CLDN10: variants seen among roughly 807,000 people sequenced by gnomAD.
CLDN10 encodes claudin-10.
Under a neutral mutation model 22.9 loss-of-function variants are expected in CLDN10, and 15 were observed. That is an observed-to-expected ratio of 0.65 (90% CI 0.44 to 1.01). The LOEUF is 1.01. Among genes scored for constraint, CLDN10 ranks in the 50% least tolerant of loss-of-function variants. The pLI is 0.00. For synonymous variants in CLDN10, 114 were observed against 111.4 expected (o/e 1.02, Z -0.15); for missense variants, 247 against 287.8 (o/e 0.86, Z 1.03).
chr13:95,496,718 G>A (rs963903934), intron 1 of CLDN10, among the ~76,000 whole-genome samples: 17 of 152,116 alleles, frequency 1.1e-4, no homozygotes, highest in African/African-American at 1.9e-4. Flanking sequence ...ATCCCACCAC[G>A]GGGGCCCCAC....
intron 3 of CLDN10, among the ~76,000 whole-genome samples, chr13:95,562,912 C>A (rs2043733647): frequency 6.6e-6 from 1 of 152,226 alleles, no homozygotes; most frequent in African/African-American, 2.4e-5. Context: ...CTTACTATAG[C>A]TCAGTCACCT....
At chr13:95,543,484 A>G (rs988397108) in intron 1 of CLDN10, among the ~76,000 whole-genome samples, 1 of 152,196 alleles carries the variant, frequency 6.6e-6, no homozygotes, top group African/African-American at 2.4e-5. Context: ...TCTGTGAGTG[A>G]AGTTACCATA....
chr13:95,562,310 T>C (rs2043725089), intron 3 of CLDN10, among the ~76,000 whole-genome samples: 1 of 152,104 alleles, frequency 6.6e-6, no homozygotes, highest in African/African-American at 2.4e-5. Flanking sequence ...TGATCTTCAA[T>C]GATCCTCCTC....
At chr13:95,520,563 G>T (rs556483155) in intron 1 of CLDN10, among the ~76,000 whole-genome samples, 1 of 152,178 alleles carries the variant, frequency 6.6e-6, no homozygotes, top group South Asian at 2.1e-4. Context: ...ATTAGAGATG[G>T]GATTTCACCA....
chr13:95,574,827 T>A (rs2043904279), intron 3 of CLDN10, among the ~76,000 whole-genome samples: 1 of 152,190 alleles, frequency 6.6e-6, no homozygotes, highest in Non-Finnish European at 1.5e-5. Flanking sequence ...AATATTAATA[T>A]AAGCCAAACT....
chr13:95,553,099 T>G, intron 1 of CLDN10, 126 bp downstream of exon 1: 1 of 1,326,162 alleles, frequency 7.5e-7, no homozygotes, highest in East Asian at 2.5e-5. Context: ...CCGACCCGTC[T>G]CTCCCAACAG....
intron 1 of CLDN10, among the ~76,000 whole-genome samples, chr13:95,449,846 C>T (rs551634287): frequency 1.9e-4 from 29 of 151,450 alleles, no homozygotes; most frequent in Non-Finnish European, 4.1e-4. Context: ...CGGGTTCACG[C>T]CATTCCCCTG....
intron 1 of CLDN10, among the ~76,000 whole-genome samples, chr13:95,520,252 T>C (rs2043211195): frequency 6.6e-6 from 1 of 152,242 alleles, no homozygotes; most frequent in Non-Finnish European, 1.5e-5. Flanking sequence ...AAAATAGGTT[T>C]CTTTTTCATA....
intron 1 of CLDN10, among the ~76,000 whole-genome samples, chr13:95,509,479 C>G (rs912003886): frequency 6.6e-6 from 1 of 152,134 alleles, no homozygotes; most frequent in African/African-American, 2.4e-5. Context: ...AGGTGAGTGG[C>G]AGCAGTACCT....
chr13:95,490,137 G>A (rs4394949), intron 1 of CLDN10, among the ~76,000 whole-genome samples: 2,302 of 152,256 alleles, frequency 0.015, 56 homozygotes, highest in African/African-American at 0.052. Flanking sequence ...AGTATAGTTT[G>A]AAATCAGGTA....
chr13:95,501,623 A>G (rs2042986342), intron 1 of CLDN10, among the ~76,000 whole-genome samples: 1 of 152,200 alleles, frequency 6.6e-6, no homozygotes, highest in Non-Finnish European at 1.5e-5. Context: ...TTGCATGGGT[A>G]TCTTTTTCCA....
intron 1 of CLDN10, among the ~76,000 whole-genome samples, chr13:95,539,408 T>C (rs2043436704): frequency 2.6e-5 from 4 of 152,216 alleles, no homozygotes; most frequent in Admixed American, 2.0e-4. Flanking sequence ...ATTGTTTCAA[T>C]ATGCCTTCTC....
intron 1 of CLDN10, among the ~76,000 whole-genome samples, chr13:95,493,933 A>C (rs2042902398): frequency 6.6e-6 from 1 of 152,200 alleles, no homozygotes; most frequent in Admixed American, 6.5e-5. Flanking sequence ...GCATGTATCA[A>C]AATTGCTAAT....
intron 1 of CLDN10, among the ~76,000 whole-genome samples, chr13:95,488,845 C>A (rs889548759): frequency 6.6e-6 from 1 of 151,924 alleles, no homozygotes; most frequent in Non-Finnish European, 1.5e-5. Context: ...TGTAAACATG[C>A]ATATGCAAGT....
chr13:95,469,643 T>C (rs184954730), intron 1 of CLDN10, among the ~76,000 whole-genome samples: 2 of 152,336 alleles, frequency 1.3e-5, no homozygotes, highest in Admixed American at 1.3e-4. Context: ...CTGTCTCCTT[T>C]CCATTGATCT....
intron 1 of CLDN10, among the ~76,000 whole-genome samples, chr13:95,455,102 A>C (rs1278429843): frequency 6.6e-6 from 1 of 151,710 alleles, no homozygotes; most frequent in South Asian, 2.1e-4. Flanking sequence ...GCTTAAGCCC[A>C]GGGGTTAGAG....
chr13:95,553,018 G>T, intron 1 of CLDN10, 45 bp downstream of exon 1: 1 of 1,604,060 alleles, frequency 6.2e-7, no homozygotes, highest in Non-Finnish European at 8.5e-7. Flanking sequence ...CTTCCTTGAT[G>T]GCCAGCCCGC....
rs1263163859 is a variant in CLDN10, at chr13:95,552,738, G to C, written c.-16G>C. ...AGAGTGGGAGCCGGAGAGCGAGCGCGGCTGCAGCCGGCGGCATGGCTAGCA... is the reference window on the plus strand; with the variant it reads ...AGAGTGGGAGCCGGAGAGCGAGCGCCGCTGCAGCCGGCGGCATGGCTAGCA... On this transcript the variant is annotated 5_prime_UTR_variant, in exon 1 of 5. Transcript: ENST00000299339. 5 of 1,603,436 alleles carry C rather than the reference G, an allele frequency of 3.1e-6. No individual in the cohort carries two copies. Among genetic ancestry groups the C allele is most frequent in the Non-Finnish European group, 4.3e-6 (5 of 1,175,322 alleles).
intron 1 of CLDN10, among the ~76,000 whole-genome samples, chr13:95,540,364 C>T (rs747609186): frequency 5.3e-5 from 8 of 150,640 alleles, no homozygotes; most frequent in East Asian, 1.9e-4. Context: ...TGGTGGCATG[C>T]GCCTGTAATC....
Sources: allele counts gnomAD v4.1 joint callset (sites outside exome capture counted in the v4.1 genomes callset), GRCh38; gene constraint gnomAD v4.1.1; transcripts MANE v1.5; gene names NCBI Gene and HGNC (gene_info 2026-07-23, HGNC 2026-07-21).